Variants in ATXN10 observed in about 807,000 individuals in gnomAD.
ATXN10 encodes ataxin 10.
A neutral mutation model predicts 52.9 loss-of-function variants in ATXN10; 28 were observed. The observed-to-expected ratio is 0.53, with a 90% confidence interval of 0.39 to 0.73. The LOEUF (loss-of-function observed/expected upper bound fraction) is 0.73. Among genes scored for constraint, ATXN10 ranks in the 30% least tolerant of loss-of-function variants. The pLI is 0.00. For missense variants in ATXN10, 565 were observed against 577.0 expected, an observed-to-expected ratio of 0.98 and a Z score of 0.21; for synonymous variants, 226 against 221.5, an observed-to-expected ratio of 1.02 and a Z score of -0.18.
At chr22:45,716,532 G>C (rs1203752399) in intron 5 of ATXN10, among the ~76,000 whole-genome samples, 1 of 151,854 alleles carries the variant, frequency 6.6e-6, no homozygotes, top group Non-Finnish European at 1.5e-5. Context: ...TAGCGATGGG[G>C]TTTCACTATG....
Position 45,699,712 on chromosome 22 carries a change from G to A in ATXN10, c.392-570G>A, listed in dbSNP as rs551373983. Reference sequence around the variant, plus strand: ...TCATCACGTTGGCCAGGCTGGTCTCGAACTCCTGACCTCAGGTGATCCGCA... The same window carrying A: ...TCATCACGTTGGCCAGGCTGGTCTCAAACTCCTGACCTCAGGTGATCCGCA... On this transcript the variant is annotated intron_variant, in intron 3 of 11. Coordinates refer to ENST00000252934, the MANE Select transcript of ATXN10 (RefSeq NM_013236.4). 4.6e-5 allele frequency among the ~76,000 whole-genome samples: 7 copies of A among 151,832 alleles called. No individual in the cohort carries two copies. In the South Asian group the frequency reaches 8.3e-4, roughly 18 times the overall value.
Position 45,681,746 on chromosome 22 carries a change from C to G in ATXN10, c.117-7966C>G, listed in dbSNP as rs976325695. Among the ~76,000 whole-genome samples the G allele has an allele frequency of 2.6e-5, 4 of 152,154 alleles. No homozygotes were observed. Among genetic ancestry groups the G allele is most frequent in the African/African-American group, 7.2e-5 (3 of 41,424 alleles). Reference sequence around the variant, plus strand: ...CTAACTAACGTGGCCCTTAATGCTACCTGTCAGTCCCGCTGTTTGCCCTGG... The same window carrying G: ...CTAACTAACGTGGCCCTTAATGCTAGCTGTCAGTCCCGCTGTTTGCCCTGG... On this transcript the variant is annotated intron_variant, in intron 1 of 11. Coordinates refer to ENST00000252934, the MANE Select transcript of ATXN10 (RefSeq NM_013236.4). The surrounding 1 kb of genome is among the most constrained non-coding windows in gnomAD (Gnocchi z 4.2).
At position 45,837,041 on chromosome 22, in the gene ATXN10, T is replaced by G. The variant is rs574761185; in HGVS notation, c.1238-5950T>G. Among the ~76,000 whole-genome samples, 1 of 152,304 alleles carries G rather than the reference T, an allele frequency of 6.6e-6. No homozygotes were observed. The highest frequency in any genetic ancestry group is 2.4e-5 in the African/African-American group (1 of 41,566). Reference sequence around the variant, plus strand: ...AAAGCCCTGCAGCACACAAATCCCTTGCCTTCATGGGTTTGTTATCTAAAA... The same window carrying G: ...AAAGCCCTGCAGCACACAAATCCCTGGCCTTCATGGGTTTGTTATCTAAAA... On this transcript the variant is annotated intron_variant, in intron 10 of 11. Transcript: ENST00000252934. The surrounding 1 kb of genome is among the most constrained non-coding windows in gnomAD (Gnocchi z 5.8).
chr22:45,706,084 C>T (rs1255583763), intron 5 of ATXN10, among the ~76,000 whole-genome samples: 1 of 152,218 alleles, frequency 6.6e-6, no homozygotes. Context: ...AGAACAGTTT[C>T]TTCCTGAAAC....
chr22:45,738,503 T>A (rs1925385489), intron 7 of ATXN10: 1 of 503,864 alleles, frequency 2.0e-6, no homozygotes, highest in Non-Finnish European at 3.5e-6. Context: ...TAATGACACA[T>A]AATCTTGCAT....
rs761619548 is a variant in ATXN10, at chr22:45,816,112, G to A, written c.1237+9090G>A. Among the ~76,000 whole-genome samples, 1 of 152,056 alleles carries A rather than the reference G, an allele frequency of 6.6e-6. No homozygotes were observed. The highest frequency in any genetic ancestry group is 1.5e-5 in the Non-Finnish European group (1 of 68,022). ...AAAATACAAAAAAAAAATTCGCTAGGCGTGGTGGCACGCACCCTTAGTCCC... is the reference window on the plus strand; with the variant it reads ...AAAATACAAAAAAAAAATTCGCTAGACGTGGTGGCACGCACCCTTAGTCCC... On this transcript the variant is annotated intron_variant, in intron 10 of 11. Transcript: ENST00000252934. The surrounding 1 kb of genome is among the most constrained non-coding windows in gnomAD (Gnocchi z 5.8).
Position 45,705,121 on chromosome 22 carries a change from C to G in ATXN10, c.647+2274C>G, listed in dbSNP as rs1923989668. On this transcript the variant is annotated intron_variant, in intron 5 of 11. Coordinates refer to ENST00000252934, the MANE Select transcript of ATXN10 (RefSeq NM_013236.4). This position sits in a 1 kb window ranked among gnomAD's most constrained non-coding sequence, Gnocchi z 5.2. ...ATTCCTGAGATAAATCCTACTTGTT[C>G]ATAGTGTATAATCCTTTTTATATGT... Among the ~76,000 whole-genome samples the G allele has an allele frequency of 2.0e-5, 3 of 152,138 alleles. No homozygotes were observed. The highest frequency in any genetic ancestry group is 4.4e-5 in the Non-Finnish European group (3 of 68,022).
At chr22:45,694,102 C>T (rs914512305) in intron 3 of ATXN10, among the ~76,000 whole-genome samples, 1 of 152,046 alleles carries the variant, frequency 6.6e-6, no homozygotes, top group Non-Finnish European at 1.5e-5. Context: ...AGTCAAGTAT[C>T]TAGTGTGATG....
chr22:45,829,858 A>G (rs1928931499), intron 10 of ATXN10, among the ~76,000 whole-genome samples: 1 of 152,238 alleles, frequency 6.6e-6, no homozygotes, highest in Admixed American at 6.5e-5. Flanking sequence ...TTTTGCAGAT[A>G]TAGAAAAACC....
chr22:45,785,825 G>A (rs758323714), intron 9 of ATXN10, among the ~76,000 whole-genome samples: 8 of 152,208 alleles, frequency 5.3e-5, no homozygotes, highest in Non-Finnish European at 1.0e-4. Context: ...GGGTATACTT[G>A]GCAGCCTCTG....
In ATXN10 at chr22:45,690,318, C is replaced by T. The variant is rs1923321854; in HGVS notation, c.308+415C>T. Among the ~76,000 whole-genome samples, 1 of 151,634 alleles carries T rather than the reference C, an allele frequency of 6.6e-6. No homozygotes were observed. Among genetic ancestry groups the T allele is most frequent in the Non-Finnish European group, 1.5e-5 (1 of 67,904 alleles). On this transcript the variant is annotated intron_variant, in intron 2 of 11. Coordinates refer to ENST00000252934, the MANE Select transcript of ATXN10 (RefSeq NM_013236.4). The surrounding 1 kb of genome is among the most constrained non-coding windows in gnomAD (Gnocchi z 4.5). Reference sequence around the variant, plus strand: ...AAAAGTTGTTCTGGCATGATAGTATCACCCACTGTTATTGCAGGATTGCCC... The same window carrying T: ...AAAAGTTGTTCTGGCATGATAGTATTACCCACTGTTATTGCAGGATTGCCC...
Position 45,780,343 on chromosome 22 carries a change from C to G in ATXN10, c.1174-26616C>G, listed in dbSNP as rs1298236457. ...AAATGATCCACCCGCTTCAGCCTCC[C>G]AAATTGCTGGGATTACAGGCATGAG... On this transcript the variant is annotated intron_variant, in intron 9 of 11. Coordinates refer to ENST00000252934, the MANE Select transcript of ATXN10 (RefSeq NM_013236.4). The surrounding 1 kb of genome is among the most constrained non-coding windows in gnomAD (Gnocchi z 4.0). Among the ~76,000 whole-genome samples the G allele has an allele frequency of 6.6e-6, 1 of 152,216 alleles. No individual in the cohort carries two copies. The highest frequency in any genetic ancestry group is 1.5e-5 in the Non-Finnish European group (1 of 68,042).
intron 10 of ATXN10, among the ~76,000 whole-genome samples, chr22:45,808,239 GCTT>G (rs1569073517): frequency 6.6e-6 from 1 of 152,126 alleles, no homozygotes; most frequent in African/African-American, 2.4e-5. Context: ...AAAGAAGAAA[GCTT>G]CTAGTCATGG....
rs140261819 is a variant in ATXN10 at position 45,712,587 on chromosome 22, T to A, written c.648-5826T>A. ...GCTCTTAATCTGTACACCCACTGCC[T>A]CCCTTAGAGGACGACATTAAAGGAA... On this transcript the variant is annotated intron_variant, in intron 5 of 11. Transcript: ENST00000252934. This position sits in a 1 kb window ranked among gnomAD's most constrained non-coding sequence, Gnocchi z 4.6. Among the ~76,000 whole-genome samples the A allele has an allele frequency of 1.4e-4, 21 of 152,242 alleles. No homozygotes were observed. Among genetic ancestry groups the A allele is most frequent in the East Asian group, 1.2e-3 (6 of 5,182 alleles).
intron 7 of ATXN10, among the ~76,000 whole-genome samples, chr22:45,734,682 T>C (rs966155965): frequency 1.2e-4 from 18 of 151,664 alleles, no homozygotes; most frequent in Admixed American, 1.0e-3. Context: ...TTATCTAGAA[T>C]TTATTTTTGA....
In ATXN10 at chr22:45,770,518, G is replaced by A. The variant is rs549873089; in HGVS notation, c.1173+29980G>A. On this transcript the variant is annotated intron_variant, in intron 9 of 11. Transcript: ENST00000252934. The surrounding 1 kb of genome is among the most constrained non-coding windows in gnomAD (Gnocchi z 4.5). ...TTTCTTACGATCAGATAAATTCAAAGAAAGTTTAACATTGCAGAGGGGGCT... is the reference window on the plus strand; with the variant it reads ...TTTCTTACGATCAGATAAATTCAAAAAAAGTTTAACATTGCAGAGGGGGCT... Among the ~76,000 whole-genome samples the A allele has an allele frequency of 1.3e-4, 20 of 152,356 alleles. No individual in the cohort carries two copies. The South Asian group carries it at 4.1e-3, about 32-fold the overall frequency.
intron 10 of ATXN10, among the ~76,000 whole-genome samples, chr22:45,817,198 C>T (rs1928490814): frequency 6.6e-6 from 1 of 152,088 alleles, no homozygotes. Context: ...CTGATTTCTA[C>T]ATTCTCAGGA....
At position 45,705,593 on chromosome 22, in the gene ATXN10, C is replaced by T. The variant is rs138144; in HGVS notation, c.647+2746C>T. On this transcript the variant is annotated intron_variant, in intron 5 of 11. Transcript: ENST00000252934. The surrounding 1 kb of genome is among the most constrained non-coding windows in gnomAD (Gnocchi z 5.2). ...GATTGCAGGTGCCCGCCACCACACC[C>T]GGCTAATTTTTTTTGTATTTTTAGT... is the stretch of plus-strand genomic sequence containing the variant. 0.011 allele frequency among the ~76,000 whole-genome samples: 1,619 copies of T among 152,142 alleles called. 20 individuals carry two copies. The highest frequency in any genetic ancestry group is 0.034 in the African/African-American group (1,431 of 41,520).
rs546093456 is a variant in ATXN10, at chr22:45,681,941, C to G, written c.117-7771C>G. 1.3e-5 allele frequency among the ~76,000 whole-genome samples: 2 copies of G among 152,290 alleles called. No individual in the cohort carries two copies. Among genetic ancestry groups the G allele is most frequent in the African/African-American group, 4.8e-5 (2 of 41,576 alleles). ...CTGCCCACCTACTTGTATCTGTGCC[C>G]GTAGCCTGCCTTTGCTTCTGGTCTG... On this transcript the variant is annotated intron_variant, in intron 1 of 11. Transcript: ENST00000252934. The surrounding 1 kb of genome is among the most constrained non-coding windows in gnomAD (Gnocchi z 4.2).
Sources: allele counts gnomAD v4.1 joint callset (sites outside exome capture counted in the v4.1 genomes callset), GRCh38; gene constraint gnomAD v4.1.1; non-coding constraint Gnocchi (gnomAD v3.1); transcripts MANE v1.5; gene names NCBI Gene and HGNC (gene_info 2026-07-23, HGNC 2026-07-21).